Variants in CLCN5 observed in about 807,000 individuals in gnomAD.
CLCN5 encodes Cl-/H+ antiporter 5, also known as H(+)/Cl(-) exchange transporter 5.
Under a neutral mutation model 54.0 loss-of-function variants are expected in CLCN5, and 17 were observed. That is an observed-to-expected ratio of 0.31 (90% CI 0.22 to 0.47). The LOEUF is 0.47. Among genes scored for constraint, CLCN5 ranks in the 20% least tolerant of loss-of-function variants. The pLI is 1.00. For missense variants in CLCN5, 448 were observed against 646.7 expected, an observed-to-expected ratio of 0.69 and a Z score of 3.33; for synonymous variants, 222 against 233.0, an observed-to-expected ratio of 0.95 and a Z score of 0.43.
intron 3 of CLCN5, among the ~76,000 whole-genome samples, chrX:49,998,732 A>G (rs188838696): frequency 4.0e-4 from 45 of 111,248 alleles, no homozygotes; most frequent in Admixed American, 9.5e-4. Flanking sequence ...TCTTGACTGT[A>G]GGAGAGAGAG....
At chrX:49,950,666 G>T (rs1557172880) in intron 3 of CLCN5, among the ~76,000 whole-genome samples, 1 of 111,559 alleles carries the variant, frequency 9.0e-6, no homozygotes, top group Non-Finnish European at 1.9e-5. Context: ...ACAATGTTCT[G>T]TATTGATTAC....
chrX:50,075,680 T>C, intron 6 of CLCN5, 115 bp from the exon 7 acceptor site: 1 of 635,263 alleles, frequency 1.6e-6, no homozygotes, highest in Non-Finnish European at 2.7e-6. Context: ...TGTGCTTATC[T>C]GTTACTTTGA....
intron 6 of CLCN5, among the ~76,000 whole-genome samples, chrX:50,072,897 T>A (rs1219840592): frequency 9.0e-6 from 1 of 111,249 alleles, no homozygotes; most frequent in Non-Finnish European, 1.9e-5. Flanking sequence ...AGACAGTTTT[T>A]TTTTTAATAC....
chrX:50,016,595 C>T (rs1035260955), intron 3 of CLCN5, among the ~76,000 whole-genome samples: 4 of 108,019 alleles, frequency 3.7e-5, no homozygotes, highest in African/African-American at 1.3e-4. Context: ...TAATGTAAAC[C>T]ATAGTTTACA....
intron 3 of CLCN5, among the ~76,000 whole-genome samples, chrX:49,948,239 T>C (rs1487313187): frequency 9.2e-6 from 1 of 108,958 alleles, no homozygotes; most frequent in Non-Finnish European, 1.9e-5. Context: ...TAGATGCATC[T>C]AGAGTAAAAA....
chrX:49,940,527 A>G (rs1186102868), intron 3 of CLCN5, among the ~76,000 whole-genome samples: 1 of 112,196 alleles, frequency 8.9e-6, no homozygotes, highest in Non-Finnish European at 1.9e-5. Context: ...ATTAGTGCAC[A>G]TGTTTTAACT....
chrX:49,939,211 C>A (rs77651442), intron 3 of CLCN5, among the ~76,000 whole-genome samples: 30 of 111,260 alleles, frequency 2.7e-4, no homozygotes, highest in East Asian at 5.7e-4. Context: ...TAGTTCAACC[C>A]TTGTGGAAGT....
At chrX:49,995,600 A>G (rs1405766677) in intron 3 of CLCN5, among the ~76,000 whole-genome samples, 1 of 111,693 alleles carries the variant, frequency 9.0e-6, no homozygotes, top group African/African-American at 3.3e-5. Context: ...GACAGCTCCT[A>G]AGAAAAGCAT....
At chrX:49,994,500 C>A (rs1929414390) in intron 3 of CLCN5, among the ~76,000 whole-genome samples, 1 of 109,755 alleles carries the variant, frequency 9.1e-6, no homozygotes, top group Non-Finnish European at 1.9e-5. Flanking sequence ...AGGGAGTCAT[C>A]TTATGTCAGA....
chrX:49,935,314 C>T (rs139913788), intron 3 of CLCN5, among the ~76,000 whole-genome samples: 21 of 111,882 alleles, frequency 1.9e-4, no homozygotes, highest in African/African-American at 5.2e-4. Context: ...GAAGCCTCCC[C>T]GATCCTCTGG....
chrX:50,015,650 C>G (rs1366016341), intron 3 of CLCN5, among the ~76,000 whole-genome samples: 1 of 109,772 alleles, frequency 9.1e-6, no homozygotes, highest in African/African-American at 3.3e-5. Flanking sequence ...CACTCCCCTC[C>G]TCCCATCCTT....
intron 3 of CLCN5, chrX:50,003,667 G>T (rs1223912920): frequency 3.4e-6 from 1 of 297,090 alleles, no homozygotes; most frequent in African/African-American, 2.7e-5. Context: ...ACACCCATGT[G>T]GTGGGAAGGA....
At chrX:50,007,434 T>A (rs1930241517) in intron 3 of CLCN5, among the ~76,000 whole-genome samples, 1 of 93,177 alleles carries the variant, frequency 1.1e-5, no homozygotes, top group Non-Finnish European at 2.1e-5. Context: ...TCTCTCTCTC[T>A]CTCTGTCACA....
intron 3 of CLCN5, among the ~76,000 whole-genome samples, chrX:50,002,033 T>C (rs1929848510): frequency 9.0e-6 from 1 of 110,881 alleles, no homozygotes; most frequent in South Asian, 3.9e-4. Context: ...TCTCAGTCTC[T>C]TGATGGTTTC....
rs1933256195 is a variant in CLCN5 at position 50,072,533 on chromosome X, T to C, written c.360T>C (p.Ser120=). 8.3e-7 allele frequency: 1 copy of C among 1,209,330 alleles called. No homozygotes were observed. Among genetic ancestry groups the C allele is most frequent in the Middle Eastern group, 2.3e-4 (1 of 4,353 alleles). The change falls in exon 6 of 15, where the codon AGT becomes AGC. Residue 120 remains serine (S), a synonymous_variant. Transcript: ENST00000376091. ...AGTCAACATGGGCCTTAATTCACAGTGTGAGTGATGCTTTTTCCGGCTGGT... is the reference window on the plus strand; with the variant it reads ...AGTCAACATGGGCCTTAATTCACAGCGTGAGTGATGCTTTTTCCGGCTGGT... ...SKESTWALIH[S]VSDAFSGWLL... is the part of the protein sequence containing the mutation.
chrX:50,032,253 T>G, intron 3 of CLCN5, among the ~76,000 whole-genome samples: 1 of 112,002 alleles, frequency 8.9e-6, no homozygotes, highest in Middle Eastern at 4.6e-3. Flanking sequence ...GATGGCTCGG[T>G]CAAATGGTAT....
Position 50,003,409 on chromosome X carries a change from T to C in CLCN5, c.17-38907T>C, listed in dbSNP as rs143346637. ...CCTAGTTTACCCATCAGCACTCCTG[T>C]GGCTATCTTGCTGCCCACTTGCACC... On this transcript the variant is annotated intron_variant, in intron 3 of 14. Coordinates refer to ENST00000376091, the MANE Select transcript of CLCN5 (RefSeq NM_001127898.4). The C allele has an allele frequency of 5.1e-3, 1,783 of 350,975 alleles. 20 individuals are homozygous for C. Among genetic ancestry groups the C allele is most frequent in the African/African-American group, 0.042 (1,598 of 38,377 alleles). The allele number at this position is 350,975 out of a possible 1,213,427, so 28.9% of individuals were successfully genotyped here. A position where few individuals can be genotyped will look rare whatever the true frequency, so the allele number is the denominator to read the frequency against.
chrX:50,001,400 A>G (rs1437096602), intron 3 of CLCN5, among the ~76,000 whole-genome samples: 1 of 107,099 alleles, frequency 9.3e-6, no homozygotes, highest in Non-Finnish European at 1.9e-5. Context: ...CTCTTTACAG[A>G]AAAAAAAAAA....
At chrX:50,019,775 A>G (rs1428736817) in intron 3 of CLCN5, among the ~76,000 whole-genome samples, 75 of 6,547 alleles carry the variant, frequency 0.011, 3 homozygotes, top group African/African-American at 0.051. Flanking sequence ...ATGGTTTCCA[A>G]TTTCATCCAT....
Sources: gnomAD v4.1 joint callset for allele counts (sites outside exome capture counted in the v4.1 genomes callset) on GRCh38, gnomAD v4.1.1 for gene constraint, MANE v1.5 for transcripts, NCBI Gene and HGNC (gene_info 2026-07-23, HGNC 2026-07-21) for gene names.